BDKRB2: variants seen among roughly 807,000 people sequenced by gnomAD.
BDKRB2 encodes the protein B2 bradykinin receptor.
Under a neutral mutation model 4.0 loss-of-function variants are expected in BDKRB2, and 6 were observed. The observed-to-expected ratio is 1.49, with a 90% confidence interval of 0.81 to 2.93. The LOEUF (loss-of-function observed/expected upper bound fraction) is 2.93. Among genes scored for constraint, BDKRB2 ranks in the 30% most tolerant of loss-of-function variants. The pLI, the probability that BDKRB2 is intolerant of heterozygous loss-of-function variation, is 0.00. For missense variants in BDKRB2, 478 were observed against 520.1 expected (o/e 0.92, Z 0.79); for synonymous variants, 225 against 215.3 (o/e 1.05, Z -0.40).
At position 96,223,593 on chromosome 14, in the gene BDKRB2, T is replaced by C. The variant is rs559131863; in HGVS notation, c.-39-13476T>C. On this transcript the variant is annotated intron_variant, in intron 1 of 2. Coordinates refer to ENST00000554311, the MANE Select transcript of BDKRB2 (RefSeq NM_001379692.1). Reference sequence around the variant, plus strand: ...CTGAGTGTGACCCTAGGAGGCACAATGTGCTCTGTATCCAGAACACACTTG... The same window carrying C: ...CTGAGTGTGACCCTAGGAGGCACAACGTGCTCTGTATCCAGAACACACTTG... Among the ~76,000 whole-genome samples, 27 of 152,248 alleles carry C rather than the reference T, an allele frequency of 1.8e-4. No individual in the cohort carries two copies. In the South Asian group the frequency reaches 5.4e-3, roughly 30 times the overall value.
chr14:96,219,559 G>GA (rs986424281), intron 1 of BDKRB2, among the ~76,000 whole-genome samples: 4 of 148,954 alleles, frequency 2.7e-5, no homozygotes, highest in South Asian at 2.1e-4. Flanking sequence ...TGGCTCTCTG[G>GA]AAAAAAATGC....
In BDKRB2 at chr14:96,219,813, C is replaced by T. The variant is rs1433489410; in HGVS notation, c.-40+14854C>T. On this transcript the variant is annotated intron_variant, in intron 1 of 2. Transcript: ENST00000554311. ...TATAGGAGCACTGGGGCTGGGGTGTCTCTACGGTGCCTGGGAGGGTCTCCT... is the reference window on the plus strand; with the variant it reads ...TATAGGAGCACTGGGGCTGGGGTGTTTCTACGGTGCCTGGGAGGGTCTCCT... Among the ~76,000 whole-genome samples, 2 of 151,912 alleles carry T rather than the reference C, an allele frequency of 1.3e-5. 1 individual carries two copies. Among genetic ancestry groups the T allele is most frequent in the African/African-American group, 4.8e-5 (2 of 41,252 alleles).
At chr14:96,216,526 G>A (rs1021599358) in intron 1 of BDKRB2, among the ~76,000 whole-genome samples, 10 of 76,296 alleles carry the variant, frequency 1.3e-4, no homozygotes, top group Non-Finnish European at 2.3e-4. Context: ...GGAAGGATGA[G>A]GTGGGAGGAT....
intron 1 of BDKRB2, among the ~76,000 whole-genome samples, chr14:96,226,654 C>CAA: frequency 6.8e-6 from 1 of 146,660 alleles, no homozygotes. Flanking sequence ...GACTTGGTCT[C>CAA]AAAAAAAAAA....
intron 2 of BDKRB2, chr14:96,237,853 G>A: frequency 1.6e-6 from 2 of 1,289,252 alleles, no homozygotes; most frequent in Non-Finnish European, 2.0e-6. Flanking sequence ...GATGGGCCAG[G>A]ATCCATCCCC....
At chr14:96,238,962 G>A (rs1481767777) in intron 2 of BDKRB2, 1 of 985,490 alleles carries the variant, frequency 1.0e-6, no homozygotes, top group Non-Finnish European at 1.2e-6. Context: ...ACATTTAAAG[G>A]ATAGAAGCAT....
At chr14:96,239,163 A>G in intron 2 of BDKRB2, 1 of 985,440 alleles carries the variant, frequency 1.0e-6, no homozygotes, top group South Asian at 4.7e-5. Flanking sequence ...TCTCACCCAC[A>G]GCACAGGGCA....
intron 2 of BDKRB2, chr14:96,238,163 G>C (rs1023766890): frequency 1.1e-6 from 1 of 926,954 alleles, no homozygotes; most frequent in East Asian, 1.2e-4. Context: ...AAGATTCAAA[G>C]GCTAGGAAAC....
chr14:96,219,732 G>A (rs907433430), intron 1 of BDKRB2, among the ~76,000 whole-genome samples: 1 of 152,238 alleles, frequency 6.6e-6, no homozygotes, highest in Non-Finnish European at 1.5e-5. Flanking sequence ...TGGGGACACA[G>A]TGGAGGGAAG....
intron 1 of BDKRB2, among the ~76,000 whole-genome samples, chr14:96,230,405 A>G (rs2036140321): frequency 6.6e-6 from 1 of 151,938 alleles, no homozygotes; most frequent in African/African-American, 2.4e-5. Flanking sequence ...TTTTATTTTT[A>G]TGTTTTTGAG....
intron 2 of BDKRB2, chr14:96,239,866 G>A (rs934821862): frequency 6.4e-5 from 63 of 985,364 alleles, no homozygotes; most frequent in African/African-American, 1.0e-4. Flanking sequence ...TAGAAGGTAC[G>A]GAAATACGAT....
rs1314855421 is a variant in BDKRB2, at chr14:96,242,312, A to G, written c.*808A>G. On this transcript the variant is annotated 3_prime_UTR_variant, in exon 3 of 3. Coordinates refer to ENST00000554311, the MANE Select transcript of BDKRB2 (RefSeq NM_001379692.1). ...GGAGACCAAGGTTCCAGCTCAACCA[A>G]TAACTATTGCACAACCATCTGTCCC... 2 of 152,334 alleles carry G rather than the reference A, an allele frequency of 1.3e-5. No individual in the cohort carries two copies. The highest frequency in any genetic ancestry group is 6.5e-5 in the Admixed American group (1 of 15,310). The allele number at this position is 152,334 out of a possible 1,614,324, so 9.4% of individuals were successfully genotyped here. A position where few individuals can be genotyped will look rare whatever the true frequency, so the allele number is the denominator to read the frequency against.
rs1885341481 is a variant in BDKRB2 at position 96,243,128 on chromosome 14, TCTGGAGAGCTAGAAC to T, written c.*1631_*1645del. On this transcript the variant is annotated 3_prime_UTR_variant, in exon 3 of 3. Transcript: ENST00000554311. Reference sequence around the variant, plus strand: ...AGGACTAGAACCTGGAGGGCTGGAATCTGGAGAGCTAGAACCTGGAGGGCTAGAACCTGGAGGGCT... The same window carrying T: ...AGGACTAGAACCTGGAGGGCTGGAATCTGGAGGGCTAGAACCTGGAGGGCT... 7.2e-6 allele frequency: 1 copy of T among 139,138 alleles called. No homozygotes were observed. Among genetic ancestry groups the T allele is most frequent in the Admixed American group, 7.4e-5 (1 of 13,546 alleles). The allele number at this position is 139,138 out of a possible 1,614,324, so 8.6% of individuals were successfully genotyped here. A position where few individuals can be genotyped will look rare whatever the true frequency, so the allele number is the denominator to read the frequency against.
chr14:96,223,871 G>A (rs189222214), intron 1 of BDKRB2, among the ~76,000 whole-genome samples: 33 of 151,820 alleles, frequency 2.2e-4, no homozygotes, highest in African/African-American at 8.0e-4. Flanking sequence ...AAACTTAAGA[G>A]ACCTATCAAA....
At chr14:96,211,058 T>C (rs1325045875) in intron 1 of BDKRB2, 1 of 152,200 alleles carries the variant, frequency 6.6e-6, no homozygotes, top group Non-Finnish European at 1.5e-5. Flanking sequence ...AAAATTTAAA[T>C]GGACAGATTG....
chr14:96,240,362 T>G, intron 2 of BDKRB2, 41 bp from the exon 3 acceptor site: 1 of 1,415,756 alleles, frequency 7.1e-7, no homozygotes, highest in Non-Finnish European at 9.2e-7. Context: ...CCTTCCCTTG[T>G]GACCCTGAGG....
At chr14:96,227,566 C>T (rs573278413) in intron 1 of BDKRB2, among the ~76,000 whole-genome samples, 2 of 152,236 alleles carry the variant, frequency 1.3e-5, no homozygotes, top group African/African-American at 4.8e-5. Flanking sequence ...CAAACACACA[C>T]ATGTGTGCAC....
chr14:96,211,918 T>C (rs1048563265), intron 1 of BDKRB2, among the ~76,000 whole-genome samples: 7 of 152,188 alleles, frequency 4.6e-5, no homozygotes, highest in African/African-American at 1.7e-4. Flanking sequence ...GGTCGACAGA[T>C]TGTTAAATGC....
intron 1 of BDKRB2, among the ~76,000 whole-genome samples, chr14:96,216,230 G>A (rs898727865): frequency 2.0e-5 from 3 of 152,038 alleles, no homozygotes; most frequent in Non-Finnish European, 2.9e-5. Context: ...TCACTGCCTC[G>A]GGCCAGGTTG....
Sources: allele counts gnomAD v4.1 joint callset (sites outside exome capture counted in the v4.1 genomes callset), GRCh38; gene constraint gnomAD v4.1.1; transcripts MANE v1.5; gene names NCBI Gene and HGNC (gene_info 2026-07-23, HGNC 2026-07-21).